The following CNTN4 variants were observed in gnomAD, a reference collection of about 807,000 sequenced individuals.
The protein encoded by CNTN4 is contactin 4.
Under a neutral mutation model 122.5 loss-of-function variants are expected in CNTN4, and 77 were observed. The observed-to-expected ratio is 0.63, with a 90% confidence interval of 0.52 to 0.76. The LOEUF is 0.76. Among genes scored for constraint, CNTN4 ranks in the 30% least tolerant of loss-of-function variants. The pLI, the probability that CNTN4 is intolerant of heterozygous loss-of-function variation, is 0.00. For missense variants in CNTN4, 1,256 were observed against 1,259.1 expected (o/e 1.00, Z 0.04); for synonymous variants, 512 against 447.0 (o/e 1.15, Z -1.83).
At chr3:2,863,743 C>A (rs1242604900) in intron 7 of CNTN4, among the ~76,000 whole-genome samples, 1 of 149,782 alleles carries the variant, frequency 6.7e-6, no homozygotes, top group Non-Finnish European at 1.5e-5. Context: ...TGCTTAAACA[C>A]TCTCTAAGGA....
At chr3:2,333,135 C>G (rs1244111694) in intron 2 of CNTN4, among the ~76,000 whole-genome samples, 1 of 152,204 alleles carries the variant, frequency 6.6e-6, no homozygotes, top group Non-Finnish European at 1.5e-5. Context: ...GGCCTTACAA[C>G]TGATGAGCAG....
At chr3:2,491,978 T>C (rs1388226685) in intron 3 of CNTN4, among the ~76,000 whole-genome samples, 1 of 152,212 alleles carries the variant, frequency 6.6e-6, no homozygotes, top group Non-Finnish European at 1.5e-5. Flanking sequence ...GTCTTTGTTT[T>C]TTTTTAGTTA....
chr3:2,444,149 C>T (rs187557234), intron 3 of CNTN4, among the ~76,000 whole-genome samples: 3 of 150,990 alleles, frequency 2.0e-5, no homozygotes, highest in South Asian at 2.1e-4. Flanking sequence ...TACCAAGTCC[C>T]GTTACTTCAA....
intron 6 of CNTN4, among the ~76,000 whole-genome samples, 159 bp from the exon 7 acceptor site, chr3:2,819,327 G>A (rs984291377): frequency 6.6e-6 from 1 of 152,160 alleles, no homozygotes; most frequent in African/African-American, 2.4e-5. Context: ...AGGAGGATGG[G>A]ACAATGTCAT....
chr3:2,631,091 T>C (rs2082410865), intron 4 of CNTN4, among the ~76,000 whole-genome samples: 2 of 152,196 alleles, frequency 1.3e-5, no homozygotes, highest in African/African-American at 4.8e-5. Flanking sequence ...TAACAATGTT[T>C]TCTAAGAGCA....
rs201553471 is a variant in CNTN4, at chr3:2,202,993, T to TA, written c.-145+102354_-145+102355insA. Among the ~76,000 whole-genome samples, 969 of 147,366 alleles carry TA rather than the reference T, an allele frequency of 6.6e-3. 8 individuals are homozygous for TA. Among genetic ancestry groups the TA allele is most frequent in the East Asian group, 0.017 (84 of 5,022 alleles). ...CATGCCACCAAGCCTGGCTAATTAT[T>TA]TTTTTTTTTTTTGCATTTTTAGTGG... On this transcript the variant is annotated intron_variant, in intron 2 of 24. Coordinates refer to ENST00000418658, the MANE Select transcript of CNTN4 (RefSeq NM_175607.3).
In CNTN4 at chr3:2,988,539, C is replaced by A. The variant is rs13068264; in HGVS notation, c.1486+67C>A. The A allele has an allele frequency of 0.38, 582,767 of 1,537,646 alleles. 118,554 individuals are homozygous for A. The highest frequency in any genetic ancestry group is 0.79 in the African/African-American group (58,410 of 73,558). ...CCTCGTGTCTAATAATGTAATCTAC[C>A]GAAGTGGCATCATTCATATTAATAT... is the stretch of plus-strand genomic sequence containing the variant. On this transcript the variant is annotated intron_variant, in intron 14 of 24. Coordinates refer to ENST00000418658, the MANE Select transcript of CNTN4 (RefSeq NM_175607.3).
intron 3 of CNTN4, among the ~76,000 whole-genome samples, chr3:2,562,926 C>A (rs1046750786): frequency 2.0e-5 from 3 of 151,942 alleles, no homozygotes; most frequent in South Asian, 2.1e-4. Context: ...TGGTATCCCC[C>A]TGTGTTGCCC....
chr3:2,131,614 A>G (rs752327270), intron 2 of CNTN4, among the ~76,000 whole-genome samples: 38 of 152,226 alleles, frequency 2.5e-4, no homozygotes, highest in Non-Finnish European at 4.6e-4. Flanking sequence ...GCTGTCAGCA[A>G]AAGATGTGAT....
intron 14 of CNTN4, among the ~76,000 whole-genome samples, chr3:3,021,325 G>C (rs163545): frequency 0.94 from 143,627 of 152,262 alleles, 67,871 homozygotes; most frequent in East Asian, 1. Flanking sequence ...AAATTCATCC[G>C]TAGAGATGCT....
chr3:2,632,139 T>G (rs2150045804), intron 4 of CNTN4, among the ~76,000 whole-genome samples: 1 of 152,200 alleles, frequency 6.6e-6, no homozygotes, highest in South Asian at 2.1e-4. Context: ...ATGTCTCTCC[T>G]GATCTGTAAT....
chr3:2,335,132 C>G (rs1312420591), intron 2 of CNTN4, among the ~76,000 whole-genome samples: 1 of 152,220 alleles, frequency 6.6e-6, no homozygotes, highest in South Asian at 2.1e-4. Context: ...AGATTGGACC[C>G]AATCTTTCTG....
chr3:2,895,878 CAA>C (rs1289718977), intron 10 of CNTN4, among the ~76,000 whole-genome samples: 16 of 152,010 alleles, frequency 1.1e-4, no homozygotes, highest in Admixed American at 1.0e-3. Flanking sequence ...ACTAAAAATA[CAA>C]AAATTAGCCG....
chr3:2,767,244 C>G (rs912130967), intron 6 of CNTN4, among the ~76,000 whole-genome samples: 1 of 152,122 alleles, frequency 6.6e-6, no homozygotes, highest in Admixed American at 6.5e-5. Flanking sequence ...AATGTGCTTT[C>G]CTTTTGGAAG....
At chr3:2,390,050 T>A (rs557225359) in intron 3 of CNTN4, among the ~76,000 whole-genome samples, 1 of 152,122 alleles carries the variant, frequency 6.6e-6, no homozygotes, top group Non-Finnish European at 1.5e-5. Flanking sequence ...AAAATATGAA[T>A]AGGGTGTTTA....
At chr3:2,600,890 A>T (rs2081014189) in intron 4 of CNTN4, among the ~76,000 whole-genome samples, 4 of 152,054 alleles carry the variant, frequency 2.6e-5, no homozygotes, top group Non-Finnish European at 5.9e-5. Context: ...AATGATCCCC[A>T]TTCTAACTGG....
At chr3:2,420,978 A>T (rs1002122736) in intron 3 of CNTN4, among the ~76,000 whole-genome samples, 13 of 152,176 alleles carry the variant, frequency 8.5e-5, no homozygotes, top group Non-Finnish European at 1.6e-4. Context: ...TGCATTTTAA[A>T]TGATCCCAGT....
At chr3:2,782,553 C>T (rs1159557432) in intron 6 of CNTN4, among the ~76,000 whole-genome samples, 1 of 149,952 alleles carries the variant, frequency 6.7e-6, no homozygotes, top group African/African-American at 2.5e-5. Flanking sequence ...TAAATGGTCC[C>T]ACCTTCCTTA....
intron 13 of CNTN4, among the ~76,000 whole-genome samples, chr3:2,949,583 T>C (rs1330872801): frequency 6.6e-6 from 1 of 152,130 alleles, no homozygotes; most frequent in Non-Finnish European, 1.5e-5. Context: ...ATCAGAATTT[T>C]CCTATGGGCA....
Sources: gnomAD v4.1 joint callset for allele counts (sites outside exome capture counted in the v4.1 genomes callset) on GRCh38, gnomAD v4.1.1 for gene constraint, MANE v1.5 for transcripts, NCBI Gene and HGNC (gene_info 2026-07-23, HGNC 2026-07-21) for gene names.